The following MED27 variants were observed in gnomAD, a reference collection of about 807,000 sequenced individuals.
MED27 encodes mediator complex subunit 27.
MED27 carries 30 observed loss-of-function variants against 38.2 expected under a neutral mutation model. That is an observed-to-expected ratio of 0.79 (90% CI 0.59 to 1.07). MED27 has a LOEUF of 1.07. Among genes scored for constraint, MED27 ranks in the 50% least tolerant of loss-of-function variants. MED27 has a pLI of 0.00. For synonymous variants in MED27, 122 were observed against 153.5 expected, an observed-to-expected ratio of 0.79 and a Z score of 1.52; for missense variants, 289 against 397.5, an observed-to-expected ratio of 0.73 and a Z score of 2.32.
At chr9:131,937,782 TG>T (rs771607052) in intron 4 of MED27, among the ~76,000 whole-genome samples, 2 of 152,150 alleles carry the variant, frequency 1.3e-5, no homozygotes, top group African/African-American at 2.4e-5. Flanking sequence ...CTGCTAGGTC[TG>T]GGGTATCTTA....
intron 2 of MED27, among the ~76,000 whole-genome samples, chr9:132,066,221 T>C (rs1833805996): frequency 6.6e-6 from 1 of 152,260 alleles, no homozygotes; most frequent in Non-Finnish European, 1.5e-5. Context: ...AGCTAAGCTC[T>C]GCTTGGTCTT....
At chr9:132,032,022 A>T (rs989409253) in intron 2 of MED27, 1 of 152,172 alleles carries the variant, frequency 6.6e-6, no homozygotes, top group African/African-American at 2.4e-5. Flanking sequence ...TGAGGTGTGG[A>T]GAGAGTTCGT....
In MED27 at chr9:132,046,046, T is replaced by C. The variant is rs137903644; in HGVS notation, c.348+31396A>G. On this transcript the variant is annotated intron_variant, in intron 2 of 7. Coordinates refer to ENST00000292035, the MANE Select transcript of MED27 (RefSeq NM_004269.4). Reference sequence around the variant, plus strand: ...GGAAATACAGAGCTCCCAGACCAACTCTGTGATATTTTGAGAGGTTTATGT... The same window carrying C: ...GGAAATACAGAGCTCCCAGACCAACCCTGTGATATTTTGAGAGGTTTATGT... 1.5e-3 allele frequency among the ~76,000 whole-genome samples: 225 copies of C among 152,354 alleles called. 1 individual carries two copies. The highest frequency in any genetic ancestry group is 5.3e-3 in the African/African-American group (219 of 41,572).
chr9:132,067,152 C>A (rs1049418701), intron 2 of MED27, among the ~76,000 whole-genome samples: 4 of 152,210 alleles, frequency 2.6e-5, no homozygotes, highest in Non-Finnish European at 5.9e-5. Context: ...TTATTAAATG[C>A]CACTGTGTGT....
intron 2 of MED27, among the ~76,000 whole-genome samples, chr9:132,069,409 AT>A (rs778369842): frequency 3.9e-5 from 6 of 152,358 alleles, no homozygotes; most frequent in South Asian, 4.1e-4. Context: ...AAGACATGGA[AT>A]TGGGCCAAAG....
At chr9:131,938,611 C>A (rs756494973) in intron 4 of MED27, among the ~76,000 whole-genome samples, 32 of 152,162 alleles carry the variant, frequency 2.1e-4, no homozygotes, top group South Asian at 6.2e-4. Context: ...GTGTTCAGAG[C>A]AAACCATAAT....
chr9:131,868,601 A>T, intron 6 of MED27: 4 of 985,472 alleles, frequency 4.1e-6, no homozygotes, highest in Non-Finnish European at 4.8e-6. Flanking sequence ...CATTGGACAG[A>T]GGAGGAGTGA....
chr9:132,018,911 AT>A (rs66683766), intron 2 of MED27, among the ~76,000 whole-genome samples: 82,490 of 151,488 alleles, frequency 0.54, 25,399 homozygotes, highest in Non-Finnish European at 0.68. Flanking sequence ...GATTCACTTT[AT>A]TTTTTTTTTA....
intron 3 of MED27, among the ~76,000 whole-genome samples, chr9:131,977,319 G>A (rs1041741662): frequency 6.6e-6 from 1 of 152,154 alleles, no homozygotes; most frequent in Non-Finnish European, 1.5e-5. Context: ...AAGTAGTACT[G>A]AACTGAAAGT....
intron 3 of MED27, among the ~76,000 whole-genome samples, chr9:131,965,542 A>G (rs966880467): frequency 6.6e-6 from 1 of 152,194 alleles, no homozygotes; most frequent in African/African-American, 2.4e-5. Flanking sequence ...TTTCCAAGAG[A>G]TCAGCTCAAT....
At position 131,861,035 on chromosome 9, in the gene MED27, TCTC is replaced by T. The variant is rs1838643479; in HGVS notation, c.802-366_802-364del. On this transcript the variant is annotated intron_variant, in intron 7 of 7. Coordinates refer to ENST00000292035, the MANE Select transcript of MED27 (RefSeq NM_004269.4). This position sits in a 1 kb window ranked among gnomAD's most constrained non-coding sequence, Gnocchi z 4.4. Reference sequence around the variant, plus strand: ...TTCTGAATGTCAGTATCCATCCTCTTCTCCTTGCCCACTACTAAGAGGTGGCTG... The same window carrying T: ...TTCTGAATGTCAGTATCCATCCTCTTCTTGCCCACTACTAAGAGGTGGCTG... Among the ~76,000 whole-genome samples, 1 of 151,920 alleles carries T rather than the reference TCTC, an allele frequency of 6.6e-6. No individual in the cohort carries two copies. The highest frequency in any genetic ancestry group is 6.6e-5 in the Admixed American group (1 of 15,266).
chr9:131,981,307 G>A (rs1180574159), intron 3 of MED27, among the ~76,000 whole-genome samples: 1 of 152,156 alleles, frequency 6.6e-6, no homozygotes, highest in East Asian at 1.9e-4. Flanking sequence ...TTTGCACAGG[G>A]TGATGGCTAA....
intron 1 of MED27, among the ~76,000 whole-genome samples, chr9:132,078,762 A>T (rs1425013306): frequency 6.6e-6 from 1 of 152,214 alleles, no homozygotes; most frequent in African/African-American, 2.4e-5. Context: ...TCTGAGAAGT[A>T]AAAGGCAAAA....
intron 3 of MED27, among the ~76,000 whole-genome samples, chr9:132,012,313 GGC>G (rs1195167473): frequency 1.3e-5 from 2 of 152,166 alleles, no homozygotes; most frequent in Non-Finnish European, 2.9e-5. Flanking sequence ...ATAGAATAAT[GGC>G]CCTTAAGAAG....
At chr9:132,024,569 T>C (rs1314632701) in intron 2 of MED27, among the ~76,000 whole-genome samples, 2 of 152,310 alleles carry the variant, frequency 1.3e-5, no homozygotes, top group Non-Finnish European at 1.5e-5. Flanking sequence ...AATTGATAAA[T>C]GTAATGAGAA....
chr9:131,861,802 T>A lies in MED27; in HGVS notation c.802-1130A>T, dbSNP rs1838657035. Among the ~76,000 whole-genome samples the A allele has an allele frequency of 6.7e-6, 1 of 148,942 alleles. No individual in the cohort carries two copies. Among genetic ancestry groups the A allele is most frequent in the South Asian group, 2.2e-4 (1 of 4,644 alleles). The stretch of plus-strand genomic sequence containing the variant: ...TTTTTTTTTTTTATGAGACCACATC[T>A]CGCTCTGACACCCAGGCTGGAGCGC... On this transcript the variant is annotated intron_variant, in intron 7 of 7. Coordinates refer to ENST00000292035, the MANE Select transcript of MED27 (RefSeq NM_004269.4). The surrounding 1 kb of genome is among the most constrained non-coding windows in gnomAD (Gnocchi z 4.4).
At chr9:132,018,122 T>C (rs1031973659) in intron 2 of MED27, among the ~76,000 whole-genome samples, 2 of 152,180 alleles carry the variant, frequency 1.3e-5, no homozygotes, top group African/African-American at 4.8e-5. Flanking sequence ...TGCATGACAT[T>C]TTCTCTGAGG....
At position 131,884,036 on chromosome 9, in the gene MED27, A is replaced by C. The variant is rs776313270; in HGVS notation, c.723+22T>G. On this transcript the variant is annotated intron_variant, in intron 6 of 7. Coordinates refer to ENST00000292035, the MANE Select transcript of MED27 (RefSeq NM_004269.4). ...ACGTTTTCCTAATGCCGCTTGAGTA[A>C]GAAGCAAAAAGTAAAACTTACCTTC... 7 of 1,607,562 alleles carry C rather than the reference A, an allele frequency of 4.4e-6. No individual in the cohort carries two copies. In the South Asian group the frequency reaches 7.7e-5, roughly 18 times the overall value.
In MED27 at chr9:132,011,068, C is replaced by G. The variant is rs1440256104; in HGVS notation, c.479+3269G>C. Among the ~76,000 whole-genome samples the G allele has an allele frequency of 6.6e-5, 10 of 152,156 alleles. No individual in the cohort carries two copies. The East Asian group carries it at 1.9e-3, about 29-fold the overall frequency. ...GTAATAAGGAGTCTTCTATAGAATACAACCAAAAGATGGATATTGATATGC... is the reference window on the plus strand; with the variant it reads ...GTAATAAGGAGTCTTCTATAGAATAGAACCAAAAGATGGATATTGATATGC... On this transcript the variant is annotated intron_variant, in intron 3 of 7. Transcript: ENST00000292035.
Sources: gnomAD v4.1 joint callset for allele counts (sites outside exome capture counted in the v4.1 genomes callset) on GRCh38, gnomAD v4.1.1 for gene constraint, Gnocchi (gnomAD v3.1) non-coding constraint, MANE v1.5 for transcripts, NCBI Gene and HGNC (gene_info 2026-07-23, HGNC 2026-07-21) for gene names.